PLXNA2: variants seen among roughly 807,000 people sequenced by gnomAD.
PLXNA2 encodes plexin A2, also known as plexin-A2.
Under a neutral mutation model 193.5 loss-of-function variants are expected in PLXNA2, and 91 were observed. The ratio of observed to expected loss-of-function variants is 0.47; its 90% CI spans 0.40 to 0.56. The LOEUF (loss-of-function observed/expected upper bound fraction) is 0.56. Among genes scored for constraint, PLXNA2 ranks in the 20% least tolerant of loss-of-function variants. The pLI is 0.00. For missense variants in PLXNA2, 1,995 were observed against 2,503.2 expected (o/e 0.80, Z 4.33); for synonymous variants, 997 against 1,027.3 (o/e 0.97, Z 0.56).
intron 17 of PLXNA2, among the ~76,000 whole-genome samples, chr1:208,047,330 C>A (rs899067076): frequency 6.6e-6 from 1 of 152,242 alleles, no homozygotes; most frequent in African/African-American, 2.4e-5. Context: ...TGCACTGGGA[C>A]AGAAGCTTGG....
At chr1:208,083,847 A>C in intron 10 of PLXNA2, among the ~76,000 whole-genome samples, 2 of 148,502 alleles carry the variant, frequency 1.3e-5, no homozygotes, top group Admixed American at 6.7e-5. Context: ...CTCCCATCTC[A>C]CTTCCTGTCC....
rs1434144304 is a variant in PLXNA2, at chr1:208,026,507, G to C, written c.*736C>G. The C allele has an allele frequency of 6.6e-6, 1 of 152,216 alleles. No homozygotes were observed. The highest frequency in any genetic ancestry group is 1.5e-5 in the Non-Finnish European group (1 of 68,046). The allele number at this position is 152,216 out of a possible 1,614,324, so 9.4% of individuals were successfully genotyped here. Reference sequence around the variant, plus strand: ...CTCAGTTTCCAGTCAGCCAGGGTGAGCTCTTGATGGCTTTGCAATTTGTGC... The same window carrying C: ...CTCAGTTTCCAGTCAGCCAGGGTGACCTCTTGATGGCTTTGCAATTTGTGC... On this transcript the variant is annotated 3_prime_UTR_variant, in exon 32 of 32. Transcript: ENST00000367033.
intron 3 of PLXNA2, among the ~76,000 whole-genome samples, chr1:208,185,696 C>CAAAA (rs56384277): frequency 0.011 from 651 of 57,248 alleles, 17 homozygotes; most frequent in African/African-American, 0.018. Context: ...TCTCTGAAAG[C>CAAAA]AAAAAAAAAA....
intron 1 of PLXNA2, among the ~76,000 whole-genome samples, chr1:208,230,923 C>T (rs1271777773): frequency 6.6e-6 from 1 of 152,182 alleles, no homozygotes; most frequent in Non-Finnish European, 1.5e-5. Flanking sequence ...AAGGGGCATG[C>T]AGAAACTGAG....
At chr1:208,103,381 G>A (rs1667161941) in intron 4 of PLXNA2, 134 bp from the exon 5 acceptor site, 4 of 639,578 alleles carry the variant, frequency 6.3e-6, no homozygotes, top group Non-Finnish European at 1.1e-5. Flanking sequence ...GGCAAGTCAT[G>A]GCCTCAATGT....
intron 3 of PLXNA2, among the ~76,000 whole-genome samples, chr1:208,188,756 T>TCTCAAG (rs1670084455): frequency 6.6e-6 from 1 of 151,206 alleles, no homozygotes; most frequent in African/African-American, 2.4e-5. Flanking sequence ...AATCCCAACC[T>TCTCAAG]CTCAAGCTGC....
At position 208,195,660 on chromosome 1, in the gene PLXNA2, G is replaced by C. The variant is rs796408526; in HGVS notation, c.1371+14620C>G. Among the ~76,000 whole-genome samples the C allele has an allele frequency of 8.2e-4, 125 of 151,690 alleles. 3 individuals carry two copies. In the South Asian group the frequency reaches 0.016, roughly 19 times the overall value. The stretch of plus-strand genomic sequence containing the variant: ...GTCATAAAATGTTTTTTGGGGGGGG[G>C]GGTTAGGGGTGGGCAACATGCATCA... On this transcript the variant is annotated intron_variant, in intron 3 of 31. Transcript: ENST00000367033.
At position 208,098,841 on chromosome 1, in the gene PLXNA2, C is replaced by T; in HGVS notation, c.1731+5G>A. ...TCTCCCCATGCCCCTGGATGAGTTA[C>T]TTACCAACCGGCTGTGCTCAGATAC... On this transcript the variant is annotated splice_donor_5th_base_variant and intron_variant, in intron 6 of 31. Transcript: ENST00000367033. 1 of 1,613,336 alleles carries T rather than the reference C, an allele frequency of 6.2e-7. No individual in the cohort carries two copies. Among genetic ancestry groups the T allele is most frequent in the Non-Finnish European group, 8.5e-7 (1 of 1,179,764 alleles).
chr1:208,130,549 A>G (rs908654768), intron 4 of PLXNA2, among the ~76,000 whole-genome samples: 3 of 152,156 alleles, frequency 2.0e-5, no homozygotes, highest in African/African-American at 7.2e-5. Context: ...TTCCATACAC[A>G]TTCATGGCTA....
chr1:208,181,348 G>C (rs1164478732), intron 3 of PLXNA2, among the ~76,000 whole-genome samples: 1 of 152,186 alleles, frequency 6.6e-6, no homozygotes, highest in African/African-American at 2.4e-5. Context: ...TCCTTCAGGG[G>C]GCCAGACCCT....
chr1:208,207,651 C>T (rs1670777803), intron 3 of PLXNA2, among the ~76,000 whole-genome samples: 2 of 152,108 alleles, frequency 1.3e-5, no homozygotes, highest in African/African-American at 2.4e-5. Context: ...TATTTTCCTT[C>T]CTGTGTTGAA....
In PLXNA2 at chr1:208,082,436, T is replaced by C. The variant is rs759941477; in HGVS notation, c.2371A>G (p.Ile791Val). ...FAVVWNGNFIIDNPQDLKVHL... is the reference protein window; with the variant it reads ...FAVVWNGNFIVDNPQDLKVHL... ...CCTTTCAGGTCCTGAGGGTTGTCAA[T>C]GATGAAATTGCCGTTCCACACCACA... is the stretch of plus-strand genomic sequence containing the variant. Residue 791 changes from isoleucine to valine, a missense_variant, in exon 11 of 32, where the codon ATT (isoleucine) becomes GTT (valine). By Grantham distance (29) the Ile-to-Val change is conservative. Around this residue, in one of 3 missense-constraint regions of PLXNA2, gnomAD observed 1,291 missense variants for 1,673.6 expected, o/e 0.77. Coordinates refer to ENST00000367033, the MANE Select transcript of PLXNA2 (RefSeq NM_025179.4). The surrounding 1 kb of genome is among the most constrained non-coding windows in gnomAD (Gnocchi z 4.2). 6.2e-7 allele frequency: 1 copy of C among 1,614,106 alleles called. No homozygotes were observed.
chr1:208,061,051 A>G (rs1665604562), intron 12 of PLXNA2, among the ~76,000 whole-genome samples: 1 of 152,124 alleles, frequency 6.6e-6, no homozygotes, highest in African/African-American at 2.4e-5. Flanking sequence ...CGGTTCTTTA[A>G]GTCAGTCATT....
intron 3 of PLXNA2, among the ~76,000 whole-genome samples, chr1:208,193,462 C>T (rs1362373490): frequency 6.6e-6 from 1 of 152,176 alleles, no homozygotes; most frequent in Non-Finnish European, 1.5e-5. Flanking sequence ...ATCACTTGAC[C>T]ACTCTGGCCA....
At chr1:208,029,926 C>T (rs1482458263) in intron 29 of PLXNA2, 40 of 985,388 alleles carry the variant, frequency 4.1e-5, no homozygotes, top group East Asian at 1.1e-4. Context: ...TCTGTGGAAC[C>T]GGTCCTGTCA....
At chr1:208,206,979 G>A (rs1276403390) in intron 3 of PLXNA2, among the ~76,000 whole-genome samples, 1 of 151,822 alleles carries the variant, frequency 6.6e-6, no homozygotes, top group Non-Finnish European at 1.5e-5. Context: ...GGTCAGGCTG[G>A]TCTCAAACTC....
chr1:208,186,426 G>A (rs368926652), intron 3 of PLXNA2, among the ~76,000 whole-genome samples: 52 of 152,134 alleles, frequency 3.4e-4, no homozygotes, highest in African/African-American at 1.2e-3. Flanking sequence ...ACAAACAAAC[G>A]GAAAAAAACA....
intron 1 of PLXNA2, among the ~76,000 whole-genome samples, chr1:208,237,840 T>C (rs1271894218): frequency 6.6e-6 from 1 of 152,228 alleles, no homozygotes; most frequent in African/African-American, 2.4e-5. Context: ...CTCCACTCCC[T>C]GAGTGTACTG....
chr1:208,218,748 T>G (rs1671227227), intron 1 of PLXNA2, among the ~76,000 whole-genome samples: 1 of 152,152 alleles, frequency 6.6e-6, no homozygotes, highest in East Asian at 1.9e-4. Context: ...GGAAAAGCCC[T>G]CGGGAGACAG....
Sources: gnomAD v4.1 joint callset for allele counts (sites outside exome capture counted in the v4.1 genomes callset) on GRCh38, gnomAD v4.1.1 for gene constraint, gnomAD v4.1.1 regional missense constraint, Gnocchi (gnomAD v3.1) non-coding constraint, MANE v1.5 for transcripts, NCBI Gene and HGNC (gene_info 2026-07-23, HGNC 2026-07-21) for gene names.